The following MTO1 variants were observed in gnomAD, a reference collection of about 807,000 sequenced individuals.
MTO1 encodes 5-taurinomethyluridine-[tRNA] synthase subunit MTO1, mitochondrial.
Under a neutral mutation model 71.6 loss-of-function variants are expected in MTO1, and 46 were observed. The ratio of observed to expected loss-of-function variants is 0.64; its 90% CI spans 0.51 to 0.82. The LOEUF is 0.82. Ranked by LOEUF, MTO1 falls within the 40% of genes least tolerant of loss-of-function variation. The probability of loss-of-function intolerance (pLI) is 0.00; values close to 1 mark genes in which losing one functional copy is unlikely to be tolerated. For synonymous variants in MTO1, 297 were observed against 312.1 expected (o/e 0.95, Z 0.51); for missense variants, 773 against 867.5 (o/e 0.89, Z 1.37).
intron 4 of MTO1, among the ~76,000 whole-genome samples, chr6:73,474,234 G>A (rs931079223): frequency 1.3e-5 from 2 of 151,206 alleles, no homozygotes; most frequent in African/African-American, 2.4e-5. Flanking sequence ...ACAGGCACGC[G>A]CCACCACACC....
chr6:73,489,442 C>G (rs974481238), intron 9 of MTO1, among the ~76,000 whole-genome samples: 5 of 119,142 alleles, frequency 4.2e-5, no homozygotes, highest in African/African-American at 1.5e-4. Context: ...CCCCTCCCCC[C>G]ACCCCACAAC....
intron 1 of MTO1, chr6:73,464,106 G>A (rs2150025870): frequency 6.6e-6 from 1 of 152,154 alleles, no homozygotes; most frequent in South Asian, 2.1e-4. Context: ...AACTAAAGTT[G>A]GAATGATATA....
In MTO1 at chr6:73,473,560, C is replaced by T. The variant is rs761373532; in HGVS notation, c.731C>T (p.Ala244Val). 2.4e-5 allele frequency: 38 copies of T among 1,613,794 alleles called. No individual in the cohort carries two copies. Among genetic ancestry groups the T allele is most frequent in the Non-Finnish European group, 3.1e-5 (37 of 1,179,982 alleles). The change falls in exon 4 of 12, where the codon GCC (alanine) becomes GTC (valine). Residue 244 changes from alanine (A) to valine (V), a missense_variant. Transcript: ENST00000498286. ...AAGACTGGGACTCCACCCCGAATTGCCAAAGAGTCCATTAATTTCAGTATT... is the reference window on the plus strand; with the variant it reads ...AAGACTGGGACTCCACCCCGAATTGTCAAAGAGTCCATTAATTTCAGTATT... Reference protein sequence around the residue: ...RLKTGTPPRIAKESINFSILN... With the variant: ...RLKTGTPPRIVKESINFSILN...
intron 9 of MTO1, chr6:73,486,468 T>G: frequency 3.2e-6 from 1 of 312,866 alleles, no homozygotes; most frequent in Non-Finnish European, 6.5e-6. Flanking sequence ...CCAGGCACGG[T>G]GGCTCACGCC....
Position 73,507,409 on chromosome 6 carries a change from C to T in MTO1, c.*6674C>T, listed in dbSNP as rs144342190. 9.8e-5 allele frequency: 15 copies of T among 152,344 alleles called. No individual in the cohort carries two copies. The highest frequency in any genetic ancestry group is 2.6e-4 in the Admixed American group (4 of 15,300). The allele number at this position is 152,344 out of a possible 1,614,324, so 9.4% of individuals were successfully genotyped here. On this transcript the variant is annotated 3_prime_UTR_variant, in exon 12 of 12. Coordinates refer to ENST00000498286, the MANE Select transcript of MTO1 (RefSeq NM_012123.4). ...AACACAATCTGTTTGAACAGCACTA[C>T]TTTCTGACAGGAAAACCCCAACAGG... is the stretch of plus-strand genomic sequence containing the variant.
intron 10 of MTO1, 56 bp downstream of exon 10, chr6:73,492,408 G>A: frequency 8.6e-7 from 1 of 1,162,170 alleles, no homozygotes; most frequent in Non-Finnish European, 1.3e-6. Context: ...ATTATGAATA[G>A]ACAACAGATC....
intron 4 of MTO1, among the ~76,000 whole-genome samples, chr6:73,479,184 G>A (rs1320058323): frequency 6.6e-6 from 1 of 151,298 alleles, no homozygotes; most frequent in Non-Finnish European, 1.5e-5. Context: ...ACTTGCACTT[G>A]GCAATAACTT....
chr6:73,463,020 CTTTTT>C (rs538317090), intron 1 of MTO1, among the ~76,000 whole-genome samples: 1 of 141,022 alleles, frequency 7.1e-6, no homozygotes, highest in Non-Finnish European at 1.6e-5. Flanking sequence ...ACCATGCTAC[CTTTTT>C]TTTTTTTTTT....
intron 3 of MTO1, among the ~76,000 whole-genome samples, chr6:73,467,521 G>C (rs1771032819): frequency 6.6e-6 from 1 of 151,748 alleles, no homozygotes; most frequent in Non-Finnish European, 1.5e-5. Flanking sequence ...GCTGAGGCCA[G>C]AGAATCACTT....
chr6:73,493,922 A>T (rs1178435471), intron 10 of MTO1, among the ~76,000 whole-genome samples: 2 of 152,018 alleles, frequency 1.3e-5, no homozygotes, highest in Admixed American at 1.3e-4. Context: ...AGTTTTTCAT[A>T]ATGAAAATTT....
At chr6:73,466,688 A>C in intron 3 of MTO1, 82 bp downstream of exon 3, 1 of 1,236,496 alleles carries the variant, frequency 8.1e-7, no homozygotes, top group Non-Finnish European at 1.2e-6. Flanking sequence ...AAGTGTGGAG[A>C]TATGTTGCTT....
intron 3 of MTO1, chr6:73,471,506 C>T (rs540353502): frequency 6.7e-6 from 3 of 447,162 alleles, no homozygotes; most frequent in Non-Finnish European, 1.3e-5. Context: ...CCTCGACCAC[C>T]TGGACCCAAG....
Position 73,505,306 on chromosome 6 carries a change from T to C in MTO1, c.*4571T>C, listed in dbSNP as rs772449620. 1 of 152,170 alleles carries C rather than the reference T, an allele frequency of 6.6e-6. No homozygotes were observed. Among genetic ancestry groups the C allele is most frequent in the African/African-American group, 2.4e-5 (1 of 41,434 alleles). 9.4% of individuals were successfully genotyped at this position (152,170 alleles called of 1,614,324 possible). A position where few individuals can be genotyped will look rare whatever the true frequency, so the allele number is the denominator to read the frequency against. ...AACAAAATGTGGCATATACATACAA[T>C]GGAATATTATACAGCCTTAAAAAGG... On this transcript the variant is annotated 3_prime_UTR_variant, in exon 12 of 12. Transcript: ENST00000498286.
rs1771508656 is a variant in MTO1, at chr6:73,482,033, C to T, written c.1261-7C>T. The T allele has an allele frequency of 1.9e-6, 3 of 1,613,948 alleles. No individual in the cohort carries two copies. The highest frequency in any genetic ancestry group is 1.3e-5 in the African/African-American group (1 of 74,906). On this transcript the variant is annotated splice_region_variant and splice_polypyrimidine_tract_variant and intron_variant, in intron 7 of 11. Transcript: ENST00000498286. The stretch of plus-strand genomic sequence containing the variant: ...ATGGCCTTTTAAACATTTCAGTGCT[C>T]TTGTAGGGTGTGATAGCCGGAATCA...
intron 4 of MTO1, 145 bp from the exon 5 acceptor site, chr6:73,479,587 G>A: frequency 1.9e-6 from 1 of 537,250 alleles, no homozygotes; most frequent in Non-Finnish European, 3.2e-6. Context: ...TTTATTTTTG[G>A]CAAGAATACT....
chr6:73,485,205 A>G (rs7768980), intron 9 of MTO1, among the ~76,000 whole-genome samples: 10,144 of 152,210 alleles, frequency 0.067, 464 homozygotes, highest in East Asian at 0.19. Flanking sequence ...CTCAGATGCT[A>G]ACTGATGAAT....
intron 3 of MTO1, among the ~76,000 whole-genome samples, chr6:73,472,914 C>T (rs1212460385): frequency 2.6e-5 from 4 of 152,130 alleles, no homozygotes; most frequent in Non-Finnish European, 5.9e-5. Context: ...TTTTTAAAGA[C>T]TGATAGTTTT....
intron 9 of MTO1, among the ~76,000 whole-genome samples, chr6:73,484,696 C>A (rs1582689691): frequency 1.3e-5 from 2 of 152,278 alleles, no homozygotes; most frequent in South Asian, 4.1e-4. Context: ...TGACTCATTT[C>A]TCCAGCTGTT....
intron 9 of MTO1, among the ~76,000 whole-genome samples, chr6:73,485,605 A>G (rs1771630151): frequency 6.6e-6 from 1 of 151,992 alleles, no homozygotes; most frequent in Non-Finnish European, 1.5e-5. Flanking sequence ...TGCCTGGCTA[A>G]TTTTTGTTTG....
Sources: allele counts gnomAD v4.1 joint callset (sites outside exome capture counted in the v4.1 genomes callset), GRCh38; gene constraint gnomAD v4.1.1; transcripts MANE v1.5; gene names NCBI Gene and HGNC (gene_info 2026-07-23, HGNC 2026-07-21).